Variants in BDP1 observed in about 807,000 individuals in gnomAD.
BDP1 encodes the protein transcription factor TFIIIB component B'' homolog.
In BDP1, 169 loss-of-function variants were observed where a neutral mutation model predicts 266.6. That is an observed-to-expected ratio of 0.63 (90% CI 0.56 to 0.72). The LOEUF (loss-of-function observed/expected upper bound fraction) is 0.72. Among genes scored for constraint, BDP1 ranks in the 30% least tolerant of loss-of-function variants. BDP1 has a pLI of 0.00. For synonymous variants in BDP1, 1,090 were observed against 1,022.4 expected (o/e 1.07, Z -1.26); for missense variants, 3,015 against 3,053.8 (o/e 0.99, Z 0.30).
Position 71,479,252 on chromosome 5 carries a change from AG to A in BDP1, c.1015-4588del, listed in dbSNP as rs371494610. Among the ~76,000 whole-genome samples the A allele has an allele frequency of 3.9e-5, 6 of 151,942 alleles. No individual in the cohort carries two copies. The East Asian group carries it at 1.2e-3, about 30-fold the overall frequency. On this transcript the variant is annotated intron_variant, in intron 7 of 38. Coordinates refer to ENST00000358731, the MANE Select transcript of BDP1 (RefSeq NM_018429.3). ...GAGACGGGGTTTCACTATGTTAGCC[AG>A]GATGGTCTTGATCTCCTGACCTAGT...
chr5:71,549,560 C>T lies in BDP1; in HGVS notation c.6949C>T (p.Pro2317Ser). ...QFMPNPLLPA[P>S]ILVKSVNTEE... ...CATGCCAAACCCTTTACTGCCAGCT[C>T]CCATATTGGTCAAATCAGTGAATAC... The change falls in exon 34 of 39, where the codon CCC (proline) becomes TCC (serine). Residue 2317 changes from proline to serine, a missense_variant. Pro to Ser is a moderately conservative substitution (Grantham distance 74, BLOSUM62 -1). This residue lies in a region of BDP1 where 629 missense variants were observed against 632.5 expected (regional missense o/e 0.99). Coordinates refer to ENST00000358731, the MANE Select transcript of BDP1 (RefSeq NM_018429.3). The T allele has an allele frequency of 6.2e-7, 1 of 1,612,918 alleles. No homozygotes were observed. Among genetic ancestry groups the T allele is most frequent in the Non-Finnish European group, 8.5e-7 (1 of 1,179,594 alleles).
At chr5:71,490,182 G>A (rs1763503836) in intron 10 of BDP1, among the ~76,000 whole-genome samples, 1 of 152,148 alleles carries the variant, frequency 6.6e-6, no homozygotes, top group South Asian at 2.1e-4. Flanking sequence ...GGGAGTCTTG[G>A]TCCCTTTCCT....
At chr5:71,544,574 G>A in intron 31 of BDP1, 67 bp downstream of exon 31, 5 of 1,515,760 alleles carry the variant, frequency 3.3e-6, no homozygotes, top group African/African-American at 1.4e-5. Flanking sequence ...AGTTGTGGCT[G>A]TAAGAATTTG....
chr5:71,569,950 C>T (rs1744214096), downstream of BDP1, among the ~76,000 whole-genome samples: 1 of 152,204 alleles, frequency 6.6e-6, no homozygotes, highest in Non-Finnish European at 1.5e-5. Flanking sequence ...TAGTAGGAAT[C>T]AACAGATCCC....
chr5:71,515,984 C>A, intron 20 of BDP1, 77 bp from the exon 21 acceptor site: 2 of 1,039,196 alleles, frequency 1.9e-6, no homozygotes, highest in Non-Finnish European at 2.8e-6. Context: ...AGAGGAGATC[C>A]AAATTTTACA....
intron 5 of BDP1, 52 bp from the exon 6 acceptor site, chr5:71,467,302 A>C: frequency 1.4e-6 from 2 of 1,424,616 alleles, no homozygotes; most frequent in Non-Finnish European, 1.9e-6. Flanking sequence ...CTCATTTGCT[A>C]TTTGTTTCCT....
intron 11 of BDP1, among the ~76,000 whole-genome samples, chr5:71,491,971 C>G (rs1257932043): frequency 1.3e-5 from 2 of 152,208 alleles, no homozygotes; most frequent in African/African-American, 2.4e-5. Flanking sequence ...CTGCCCTGGC[C>G]TCCCAAAGTG....
At chr5:71,564,691 C>T in intron 38 of BDP1, 63 bp from the exon 39 acceptor site, 4 of 1,345,888 alleles carry the variant, frequency 3.0e-6, no homozygotes, top group Non-Finnish European at 4.1e-6. Flanking sequence ...TATATACACA[C>T]ACATATATAT....
At chr5:71,529,859 A>G (rs1406025045) in intron 25 of BDP1, among the ~76,000 whole-genome samples, 5 of 152,252 alleles carry the variant, frequency 3.3e-5, no homozygotes, top group Non-Finnish European at 7.3e-5. Context: ...GGAAGTCCAC[A>G]GAGACAGAAA....
At chr5:71,560,982 A>G (rs1359835662) in intron 37 of BDP1, among the ~76,000 whole-genome samples, 1 of 152,228 alleles carries the variant, frequency 6.6e-6, no homozygotes, top group African/African-American at 2.4e-5. Flanking sequence ...ACAGTGGCAC[A>G]TGCCTATAAT....
At chr5:71,520,031 G>A (rs1331347852) in intron 22 of BDP1, among the ~76,000 whole-genome samples, 1 of 152,136 alleles carries the variant, frequency 6.6e-6, no homozygotes, top group South Asian at 2.1e-4. Context: ...ATATCTCAGT[G>A]CAGTTTTGAT....
intron 9 of BDP1, among the ~76,000 whole-genome samples, chr5:71,487,243 T>C (rs181448344): frequency 1.3e-5 from 2 of 152,206 alleles, no homozygotes; most frequent in Admixed American, 1.3e-4. Context: ...GTTTTTTTCT[T>C]TTTTTCTGTT....
intron 25 of BDP1, among the ~76,000 whole-genome samples, chr5:71,530,200 A>G (rs1439289517): frequency 6.6e-6 from 1 of 151,766 alleles, no homozygotes; most frequent in Non-Finnish European, 1.5e-5. Flanking sequence ...TGAACTTTAA[A>G]ATTTTTTTTT....
chr5:71,546,908 C>T (rs545249753), intron 32 of BDP1, among the ~76,000 whole-genome samples: 30 of 152,136 alleles, frequency 2.0e-4, no homozygotes, highest in African/African-American at 4.1e-4. Flanking sequence ...TGCAGTGGCA[C>T]GATCTCAGCT....
At chr5:71,507,122 A>G (rs1188608292) in intron 16 of BDP1, among the ~76,000 whole-genome samples, 1 of 152,166 alleles carries the variant, frequency 6.6e-6, no homozygotes, top group Non-Finnish European at 1.5e-5. Context: ...ACGCCTGGCC[A>G]TGAATATTTT....
In BDP1 at chr5:71,502,600, T is replaced by G; in HGVS notation, c.2050T>G (p.Leu684Val). The change falls in exon 15 of 39, where the codon TTG (leucine) becomes GTG (valine). Residue 684 changes from leucine (L) to valine (V), a missense_variant and splice_region_variant. Physicochemically the swap from Leu to Val is conservative, Grantham distance 32 (BLOSUM62 1). Around this residue, in one of 3 missense-constraint regions of BDP1, gnomAD observed 2,383 missense variants for 2,404.9 expected, o/e 0.99. Transcript: ENST00000358731. ...ENPEAETVSVLGEKNCLQEGS... is the reference protein window; with the variant it reads ...ENPEAETVSVVGEKNCLQEGS... ...AATTTTATTTCTTTGTGGTTCTAGT[T>G]TGGGTGAAAAAAATTGTCTGCAGGA... is the stretch of plus-strand genomic sequence containing the variant. The G allele has an allele frequency of 5.7e-6, 9 of 1,588,432 alleles. No individual in the cohort carries two copies. Among genetic ancestry groups the G allele is most frequent in the Non-Finnish European group, 7.7e-6 (9 of 1,170,338 alleles).
chr5:71,549,284 G>C, intron 33 of BDP1, 136 bp from the exon 34 acceptor site: 2 of 746,876 alleles, frequency 2.7e-6, no homozygotes, highest in South Asian at 4.2e-5. Flanking sequence ...CTGGGGGGTT[G>C]TTGGGGGGAG....
rs1271756346 is a variant in BDP1, at chr5:71,495,248, A to G, written c.1641-2A>G. ...CTCTCTGAAATATTTTCTTTTTTTT[A>G]GTAATCAACAAGATGCCACATCAGT... On this transcript the variant is annotated splice_acceptor_variant, in intron 11 of 38. Coordinates refer to ENST00000358731, the MANE Select transcript of BDP1 (RefSeq NM_018429.3). LOFTEE classifies it high-confidence loss of function. 2.6e-6 allele frequency: 4 copies of G among 1,517,398 alleles called. No homozygotes were observed. The highest frequency in any genetic ancestry group is 3.5e-6 in the Non-Finnish European group (4 of 1,131,688). 94.0% of individuals were successfully genotyped at this position (1,517,398 alleles called of 1,614,324 possible).
rs530629293 is a variant in BDP1, at chr5:71,466,080, T to C, written c.660-16T>C. On this transcript the variant is annotated splice_polypyrimidine_tract_variant and intron_variant, in intron 4 of 38. Coordinates refer to ENST00000358731, the MANE Select transcript of BDP1 (RefSeq NM_018429.3). ...TTTCATGCCTTTGTGAATTAACTTATCTTTATATGTGGTAGGCAAGAAGGT... is the reference window on the plus strand; with the variant it reads ...TTTCATGCCTTTGTGAATTAACTTACCTTTATATGTGGTAGGCAAGAAGGT... The C allele has an allele frequency of 1.9e-6, 3 of 1,610,136 alleles. No homozygotes were observed. The highest frequency in any genetic ancestry group is 2.2e-5 in the East Asian group (1 of 44,792).
Sources: gnomAD v4.1 joint callset for allele counts (sites outside exome capture counted in the v4.1 genomes callset) on GRCh38, gnomAD v4.1.1 for gene constraint, gnomAD v4.1.1 regional missense constraint, MANE v1.5 for transcripts, NCBI Gene and HGNC (gene_info 2026-07-23, HGNC 2026-07-21) for gene names.